The following PXDN variants were observed in gnomAD, a reference collection of about 807,000 sequenced individuals.
PXDN encodes peroxidasin homolog.
A neutral mutation model predicts 140.3 loss-of-function variants in PXDN; 77 were observed. The ratio of observed to expected loss-of-function variants is 0.55; its 90% CI spans 0.46 to 0.66. The LOEUF (loss-of-function observed/expected upper bound fraction) is 0.66. Ranked by LOEUF, PXDN falls within the 30% of genes least tolerant of loss-of-function variation. PXDN has a pLI of 0.00. For missense variants in PXDN, 1,838 were observed against 2,039.5 expected, an observed-to-expected ratio of 0.90 and a Z score of 1.90; for synonymous variants, 911 against 857.4, an observed-to-expected ratio of 1.06 and a Z score of -1.09.
chr2:1,658,061 TC>T (rs1683200187), intron 14 of PXDN, among the ~76,000 whole-genome samples: 1 of 89,836 alleles, frequency 1.1e-5, no homozygotes, highest in Non-Finnish European at 2.4e-5. Flanking sequence ...TCTCTCTCTC[TC>T]TCTCTCTCTC....
chr2:1,686,015 G>A (rs539996519), intron 4 of PXDN, among the ~76,000 whole-genome samples: 8 of 152,218 alleles, frequency 5.3e-5, no homozygotes, highest in Middle Eastern at 3.4e-3. Context: ...CCGGGCTCCC[G>A]GGCATTCCTG....
chr2:1,665,740 C>T (rs1683419343), intron 10 of PXDN, among the ~76,000 whole-genome samples: 1 of 152,218 alleles, frequency 6.6e-6, no homozygotes, highest in South Asian at 2.1e-4. Context: ...AGTCCCACTT[C>T]ACAAGAATAA....
rs1329775826 is a variant in PXDN at position 1,648,531 on chromosome 2, C to A, written c.3249G>T (p.Arg1083=). ...GHTLVNPLLY[R]LDENFQPIAQ... is the part of the protein sequence containing the mutation. ...CAATGGGCTGGAAGTTCTCGTCCAGCCGGTAAAGCAGTGGGTTGACAAGCG... is the reference window on the plus strand; with the variant it reads ...CAATGGGCTGGAAGTTCTCGTCCAGACGGTAAAGCAGTGGGTTGACAAGCG... The change falls in exon 17 of 23, where the codon CGG becomes CGT. Residue 1083 remains arginine (R), a synonymous_variant. Coordinates refer to ENST00000252804, the MANE Select transcript of PXDN (RefSeq NM_012293.3). The surrounding 1 kb of genome is among the most constrained non-coding windows in gnomAD (Gnocchi z 8.9). The A allele has an allele frequency of 3.1e-6, 5 of 1,613,300 alleles. No individual in the cohort carries two copies. The highest frequency in any genetic ancestry group is 2.5e-6 in the Non-Finnish European group (3 of 1,179,864).
chr2:1,729,564 TG>T (rs987021871), intron 1 of PXDN, among the ~76,000 whole-genome samples: 3 of 131,344 alleles, frequency 2.3e-5, no homozygotes, highest in African/African-American at 1.1e-4. Flanking sequence ...TACAGCAGGG[TG>T]GGGGAGGGGG....
At chr2:1,675,440 T>A (rs1683677821) in intron 8 of PXDN, among the ~76,000 whole-genome samples, 1 of 152,228 alleles carries the variant, frequency 6.6e-6, no homozygotes, top group Non-Finnish European at 1.5e-5. Context: ...AACATAATAC[T>A]GCAGAATTCC....
intron 16 of PXDN, 94 bp downstream of exon 16, chr2:1,653,534 G>T: frequency 2.0e-6 from 3 of 1,484,784 alleles, no homozygotes; most frequent in Non-Finnish European, 2.8e-6. Context: ...GAAAGAAAAT[G>T]CTGGAACTCT....
intron 1 of PXDN, among the ~76,000 whole-genome samples, chr2:1,708,714 T>A (rs1485109119): frequency 6.6e-6 from 1 of 152,128 alleles, no homozygotes; most frequent in Non-Finnish European, 1.5e-5. Flanking sequence ...CTCCCAGGCA[T>A]CTGAGTTGCA....
chr2:1,656,764 C>T (rs1249516325), intron 14 of PXDN, among the ~76,000 whole-genome samples: 1 of 145,888 alleles, frequency 6.9e-6, no homozygotes, highest in Non-Finnish European at 1.5e-5. Flanking sequence ...GTACTGGGAT[C>T]TGTCCCCTCC....
At chr2:1,712,811 G>A (rs1006581457) in intron 1 of PXDN, among the ~76,000 whole-genome samples, 2 of 152,068 alleles carry the variant, frequency 1.3e-5, no homozygotes, top group East Asian at 1.9e-4. Context: ...TGCAACCTCC[G>A]CCTCCAAGGT....
rs565603392 is a variant in PXDN, at chr2:1,678,301, C to T, written c.731-1257G>A. Among the ~76,000 whole-genome samples, 4 of 152,252 alleles carry T rather than the reference C, an allele frequency of 2.6e-5. No individual in the cohort carries two copies. In the South Asian group the frequency reaches 8.3e-4, roughly 32 times the overall value. On this transcript the variant is annotated intron_variant, in intron 7 of 22. Transcript: ENST00000252804. ...GAATATAAACATCATCCCAACGTTC[C>T]GTAAACCCTCCCATGGCTCCCCATC...
chr2:1,648,022 C>G lies in PXDN; in HGVS notation c.3608+150G>C. 1 of 1,166,360 alleles carries G rather than the reference C, an allele frequency of 8.6e-7. No homozygotes were observed. 72.3% of individuals were successfully genotyped at this position (1,166,360 alleles called of 1,614,324 possible). On this transcript the variant is annotated intron_variant, in intron 17 of 22. Transcript: ENST00000252804. The surrounding 1 kb of genome is among the most constrained non-coding windows in gnomAD (Gnocchi z 8.9). ...CGCAGCCACGGGAGGCTGCAGGTTCCCATCTTGACCTTCATGGACTTGACC... is the reference window on the plus strand; with the variant it reads ...CGCAGCCACGGGAGGCTGCAGGTTCGCATCTTGACCTTCATGGACTTGACC...
Position 1,644,719 on chromosome 2 carries a change from A to C in PXDN, c.3642T>G (p.Phe1214Leu), listed in dbSNP as rs544242132. 1 of 1,594,394 alleles carries C rather than the reference A, an allele frequency of 6.3e-7. No individual in the cohort carries two copies. Among genetic ancestry groups the C allele is most frequent in the South Asian group, 1.1e-5 (1 of 88,088 alleles). ...LYGSTLNIDL[F>L]PALVVEDLVP... ...CCAGGTCCTCCACCACGAGCGCCGG[A>C]AACAGGTCGATGTTGAGTGTCGAGC... The change falls in exon 18 of 23, where the codon TTT (phenylalanine) becomes TTG (leucine). Residue 1214 changes from phenylalanine to leucine, a missense_variant. Coordinates refer to ENST00000252804, the MANE Select transcript of PXDN (RefSeq NM_012293.3).
At chr2:1,655,410 TATAC>T in intron 14 of PXDN, among the ~76,000 whole-genome samples, 1 of 150,378 alleles carries the variant, frequency 6.6e-6, no homozygotes, top group African/African-American at 2.4e-5. Flanking sequence ...CACATCACAT[TATAC>T]ACACACATCA....
intron 1 of PXDN, among the ~76,000 whole-genome samples, chr2:1,712,908 T>C (rs1180227162): frequency 6.6e-6 from 1 of 152,076 alleles, no homozygotes; most frequent in Admixed American, 6.5e-5. Flanking sequence ...GTATTTTTAG[T>C]AGAGATGAGG....
intron 8 of PXDN, 41 bp from the exon 9 acceptor site, chr2:1,673,853 A>G: frequency 6.2e-7 from 1 of 1,603,558 alleles, no homozygotes; most frequent in South Asian, 1.1e-5. Flanking sequence ...TGTTGAAAGC[A>G]CAAAGACGTA....
chr2:1,636,901 A>G (rs1682574569), intron 21 of PXDN: 1 of 151,982 alleles, frequency 6.6e-6, no homozygotes, highest in Non-Finnish European at 1.5e-5. Context: ...ATACACGAAC[A>G]CCTCTGCACA....
At chr2:1,716,519 T>C (rs915916459) in intron 1 of PXDN, among the ~76,000 whole-genome samples, 4 of 141,852 alleles carry the variant, frequency 2.8e-5, no homozygotes, top group Non-Finnish European at 4.5e-5. Flanking sequence ...AAGGACTGGA[T>C]ATAAGAGGTG....
chr2:1,658,060 CT>C (rs1558494360), intron 14 of PXDN, among the ~76,000 whole-genome samples: 1,533 of 126,054 alleles, frequency 0.012, 225 homozygotes, highest in African/African-American at 0.034. Context: ...CTCTCTCTCT[CT>C]CTCTCTCTCT....
rs1449697711 is a variant in PXDN, at chr2:1,648,681, G to A, written c.3099C>T (p.His1033=). The A allele has an allele frequency of 6.2e-7, 1 of 1,608,048 alleles. No homozygotes were observed. Among genetic ancestry groups the A allele is most frequent in the Non-Finnish European group, 8.5e-7 (1 of 1,177,664 alleles). Reference sequence around the variant, plus strand: ...CCTCCCCCAGGATCTTCGGGAGCCAGTGCTGGTAGGTGATGTGCTGGATCT... The same window carrying A: ...CCTCCCCCAGGATCTTCGGGAGCCAATGCTGGTAGGTGATGTGCTGGATCT... ...GAEIQHITYQ[H]WLPKILGEVG... The change falls in exon 17 of 23, where the codon CAC becomes CAT. Residue 1033 remains histidine, a synonymous_variant. Coordinates refer to ENST00000252804, the MANE Select transcript of PXDN (RefSeq NM_012293.3). This position sits in a 1 kb window ranked among gnomAD's most constrained non-coding sequence, Gnocchi z 8.9.
Sources: gnomAD v4.1 joint callset for allele counts (sites outside exome capture counted in the v4.1 genomes callset) on GRCh38, gnomAD v4.1.1 for gene constraint, Gnocchi (gnomAD v3.1) non-coding constraint, MANE v1.5 for transcripts, NCBI Gene and HGNC (gene_info 2026-07-23, HGNC 2026-07-21) for gene names.